Variants in ZFYVE9 observed in about 807,000 individuals in gnomAD.
The protein encoded by ZFYVE9 is zinc finger FYVE-type containing 9.
ZFYVE9 carries 43 observed loss-of-function variants against 126.7 expected under a neutral mutation model. The ratio of observed to expected loss-of-function variants is 0.34; its 90% CI spans 0.27 to 0.44. The LOEUF (loss-of-function observed/expected upper bound fraction) is 0.44, where lower values mean the gene tolerates loss of function less well. Ranked by LOEUF, ZFYVE9 falls within the 20% of genes least tolerant of loss-of-function variation. The probability of loss-of-function intolerance (pLI) is 1.00; values close to 1 mark genes in which losing one functional copy is unlikely to be tolerated. For synonymous variants in ZFYVE9, 521 were observed against 597.4 expected, an observed-to-expected ratio of 0.87 and a Z score of 1.87; for missense variants, 1,476 against 1,697.0, an observed-to-expected ratio of 0.87 and a Z score of 2.29.
intron 4 of ZFYVE9, among the ~76,000 whole-genome samples, chr1:52,254,400 T>C: frequency 7.3e-6 from 1 of 137,856 alleles, no homozygotes; most frequent in East Asian, 2.1e-4. Context: ...AAAAAAGCCA[T>C]ATGTGTGGCT....
intron 13 of ZFYVE9, among the ~76,000 whole-genome samples, chr1:52,318,043 CTA>C (rs1209159908): frequency 3.3e-5 from 5 of 152,020 alleles, no homozygotes; most frequent in Admixed American, 3.3e-4. Context: ...GAATCTTACT[CTA>C]TGAGGTCAGC....
At chr1:52,187,709 C>T (rs1190356511) in intron 1 of ZFYVE9, among the ~76,000 whole-genome samples, 1 of 152,166 alleles carries the variant, frequency 6.6e-6, no homozygotes, top group Non-Finnish European at 1.5e-5. Flanking sequence ...GAAAGCTCAC[C>T]ATCACTGATC....
chr1:52,302,467 C>A (rs999029991), intron 12 of ZFYVE9, among the ~76,000 whole-genome samples: 5 of 152,128 alleles, frequency 3.3e-5, no homozygotes, highest in African/African-American at 1.2e-4. Context: ...TGTCTGGAAA[C>A]AGGCTGGGCG....
At chr1:52,249,823 C>A (rs1283858060) in intron 4 of ZFYVE9, among the ~76,000 whole-genome samples, 1 of 152,028 alleles carries the variant, frequency 6.6e-6, no homozygotes, top group East Asian at 1.9e-4. Flanking sequence ...TAGTTTTATT[C>A]TTTTGAATGT....
chr1:52,304,055 A>G, intron 13 of ZFYVE9, 130 bp downstream of exon 13: 1 of 516,578 alleles, frequency 1.9e-6, no homozygotes, highest in Non-Finnish European at 3.1e-6. Flanking sequence ...TGTATGGCTT[A>G]GTTCAATTAT....
chr1:52,287,778 G>A (rs1056091449), intron 10 of ZFYVE9, among the ~76,000 whole-genome samples: 5 of 151,962 alleles, frequency 3.3e-5, no homozygotes, highest in African/African-American at 1.2e-4. Flanking sequence ...GGTGGGAGGA[G>A]TCCTTGAGCC....
intron 13 of ZFYVE9, among the ~76,000 whole-genome samples, chr1:52,328,485 A>G (rs1233468382): frequency 3.3e-5 from 5 of 152,214 alleles, no homozygotes; most frequent in Non-Finnish European, 7.3e-5. Flanking sequence ...AAGAGAAAAT[A>G]TATTCATTTA....
At chr1:52,173,995 C>G (rs1268645853) in intron 1 of ZFYVE9, among the ~76,000 whole-genome samples, 131 of 150,934 alleles carry the variant, frequency 8.7e-4, no homozygotes, top group African/African-American at 3.0e-3. Context: ...TTTTTTGTCT[C>G]TATTTCCTTC....
chr1:52,188,651 G>C (rs893042479), intron 1 of ZFYVE9, among the ~76,000 whole-genome samples: 1 of 152,128 alleles, frequency 6.6e-6, no homozygotes, highest in South Asian at 2.1e-4. Context: ...AGGACTGGCT[G>C]CTAATTTTTC....
intron 1 of ZFYVE9, among the ~76,000 whole-genome samples, chr1:52,203,982 T>G (rs1161342126): frequency 6.6e-6 from 1 of 152,192 alleles, no homozygotes; most frequent in Admixed American, 6.5e-5. Flanking sequence ...GTTATAGCCC[T>G]TAGCATATTA....
intron 12 of ZFYVE9, 152 bp downstream of exon 12, chr1:52,296,129 A>G (rs1005542176): frequency 9.5e-5 from 36 of 379,372 alleles, no homozygotes; most frequent in Middle Eastern, 7.7e-4. Context: ...ATGTATGTGT[A>G]TATATATATA....
intron 12 of ZFYVE9, among the ~76,000 whole-genome samples, chr1:52,303,193 C>T (rs12044832): frequency 0.022 from 3,304 of 152,254 alleles, 115 homozygotes; most frequent in East Asian, 0.13. Context: ...TTTATCTGAT[C>T]TTTTCTTCCA....
intron 13 of ZFYVE9, among the ~76,000 whole-genome samples, chr1:52,309,924 G>A (rs1227703539): frequency 6.6e-6 from 1 of 152,068 alleles, no homozygotes; most frequent in Non-Finnish European, 1.5e-5. Flanking sequence ...TTTTGTCAAG[G>A]CCATTAAAGA....
At chr1:52,310,451 A>G (rs1227029681) in intron 13 of ZFYVE9, among the ~76,000 whole-genome samples, 2 of 150,580 alleles carry the variant, frequency 1.3e-5, no homozygotes, top group Non-Finnish European at 2.9e-5. Flanking sequence ...GTGAATGTGT[A>G]TAGTCCTAGG....
intron 4 of ZFYVE9, among the ~76,000 whole-genome samples, chr1:52,254,395 A>G (rs1645482945): frequency 6.9e-6 from 1 of 144,770 alleles, no homozygotes; most frequent in South Asian, 2.1e-4. Flanking sequence ...AAAAAAAAAA[A>G]GCCATATGTG....
intron 1 of ZFYVE9, among the ~76,000 whole-genome samples, chr1:52,153,229 ATTC>A (rs1644373389): frequency 6.6e-6 from 1 of 152,224 alleles, no homozygotes; most frequent in African/African-American, 2.4e-5. Context: ...GCTACAGTCC[ATTC>A]CTCATGATGC....
At chr1:52,239,624 G>C (rs747822744) in intron 4 of ZFYVE9, 29 bp downstream of exon 4, 1 of 1,583,754 alleles carries the variant, frequency 6.3e-7, no homozygotes, top group Non-Finnish European at 8.6e-7. Context: ...CTCAGAAATC[G>C]GGCATGCACA....
At chr1:52,229,034 C>T (rs1194390660) in intron 2 of ZFYVE9, among the ~76,000 whole-genome samples, 1 of 151,980 alleles carries the variant, frequency 6.6e-6, no homozygotes, top group African/African-American at 2.4e-5. Context: ...CACCACCACA[C>T]CTGGCTAATT....
chr1:52,153,035 C>A (rs1644371664), intron 1 of ZFYVE9, among the ~76,000 whole-genome samples: 1 of 152,168 alleles, frequency 6.6e-6, no homozygotes, highest in South Asian at 2.1e-4. Context: ...CCTGCATGGG[C>A]AGAAATGGCC....
Sources: allele counts gnomAD v4.1 joint callset (sites outside exome capture counted in the v4.1 genomes callset), GRCh38; gene constraint gnomAD v4.1.1; transcripts MANE v1.5; gene names NCBI Gene and HGNC (gene_info 2026-07-23, HGNC 2026-07-21).